BNC2: variants seen among roughly 807,000 people sequenced by gnomAD.
BNC2 encodes basonuclin zinc finger protein 2.
Under a neutral mutation model 76.3 loss-of-function variants are expected in BNC2, and 20 were observed. The ratio of observed to expected loss-of-function variants is 0.26; its 90% confidence interval spans 0.18 to 0.38. The LOEUF is 0.38. BNC2 is among the 10% of genes least tolerant of loss of function. The pLI, the probability that BNC2 is intolerant of heterozygous loss-of-function variation, is 1.00. For synonymous variants in BNC2, 582 were observed against 514.8 expected (o/e 1.13, Z -1.77); for missense variants, 1,382 against 1,399.8 (o/e 0.99, Z 0.20).
intron 1 of BNC2, among the ~76,000 whole-genome samples, chr9:16,864,950 A>C (rs115544042): frequency 1.3e-5 from 2 of 151,736 alleles, no homozygotes; most frequent in Non-Finnish European, 2.9e-5. Context: ...CAGAGAAAGG[A>C]CAGCACATCG....
intron 5 of BNC2, among the ~76,000 whole-genome samples, chr9:16,468,038 C>CTTTTTTTTTTTTT (rs1414982362): frequency 1.6e-4 from 23 of 146,246 alleles, no homozygotes; most frequent in African/African-American, 6.0e-4. Context: ...TTCTTTCTTT[C>CTTTTTTTTTTTTT]TCTTTTTTTT....
In BNC2 at chr9:16,842,541, T is replaced by C. The variant is rs552447626; in HGVS notation, c.3+28105A>G. 2.8e-4 allele frequency among the ~76,000 whole-genome samples: 42 copies of C among 152,232 alleles called. No homozygotes were observed. The South Asian group carries it at 8.5e-3, about 31-fold the overall frequency. On this transcript the variant is annotated intron_variant, in intron 1 of 6. Coordinates refer to ENST00000380672, the MANE Select transcript of BNC2 (RefSeq NM_017637.6). The stretch of plus-strand genomic sequence containing the variant: ...GTTTCTCTGTGGAGTGACGAAAGCG[T>C]TCTAGAACTAAATAGTGTTGATGGT...
chr9:16,653,637 G>A (rs1821851008), intron 3 of BNC2, among the ~76,000 whole-genome samples: 1 of 152,146 alleles, frequency 6.6e-6, no homozygotes. Flanking sequence ...CTGTGCCTGT[G>A]AAGTGGACAT....
intron 1 of BNC2, among the ~76,000 whole-genome samples, chr9:16,790,039 G>C (rs564653499): frequency 1.3e-5 from 2 of 152,102 alleles, no homozygotes; most frequent in South Asian, 2.1e-4. Context: ...TCGCTCTGTC[G>C]CCTAGGCTGG....
chr9:16,422,369 TA>T (rs202032722), intron 6 of BNC2, among the ~76,000 whole-genome samples: 3 of 151,916 alleles, frequency 2.0e-5, no homozygotes, highest in South Asian at 4.1e-4. Context: ...TCCCTCACTT[TA>T]AAAAAAACAG....
chr9:16,691,855 G>A (rs1297795517), intron 3 of BNC2, among the ~76,000 whole-genome samples: 1 of 145,662 alleles, frequency 6.9e-6, no homozygotes, highest in Non-Finnish European at 1.5e-5. Flanking sequence ...CTGTCACCCA[G>A]GCTGGAGTGC....
At chr9:16,819,419 C>T (rs1349796361) in intron 1 of BNC2, among the ~76,000 whole-genome samples, 1 of 152,164 alleles carries the variant, frequency 6.6e-6, no homozygotes, top group Non-Finnish European at 1.5e-5. Context: ...TCCCAGCACA[C>T]TGGAAGGCCA....
chr9:16,697,193 T>C (rs1823363586), intron 3 of BNC2, among the ~76,000 whole-genome samples: 1 of 151,830 alleles, frequency 6.6e-6, no homozygotes, highest in East Asian at 2.0e-4. Flanking sequence ...ACCCTGTCTC[T>C]ACTACACTAC....
chr9:16,731,029 TATAAC>T (rs1397566936), intron 2 of BNC2, among the ~76,000 whole-genome samples: 4 of 152,312 alleles, frequency 2.6e-5, no homozygotes, highest in Non-Finnish European at 4.4e-5. Context: ...AACTTCCACA[TATAAC>T]ATACTGTGTA....
At chr9:16,487,458 T>C (rs1320605535) in intron 5 of BNC2, among the ~76,000 whole-genome samples, 1 of 152,208 alleles carries the variant, frequency 6.6e-6, no homozygotes, top group Admixed American at 6.5e-5. Context: ...GCTGCCTCAT[T>C]TGTTTCTCTT....
chr9:16,700,669 C>G (rs943686425), intron 3 of BNC2, among the ~76,000 whole-genome samples: 2 of 152,044 alleles, frequency 1.3e-5, no homozygotes, highest in Non-Finnish European at 2.9e-5. Context: ...TAAAATTATA[C>G]TGATTAGCAG....
chr9:16,795,271 C>A (rs1436248800), intron 1 of BNC2, among the ~76,000 whole-genome samples: 1 of 152,004 alleles, frequency 6.6e-6, no homozygotes, highest in South Asian at 2.1e-4. Context: ...GATAGTAAGG[C>A]GAACTCCACA....
At chr9:16,675,768 A>G (rs1219432492) in intron 3 of BNC2, among the ~76,000 whole-genome samples, 1 of 152,212 alleles carries the variant, frequency 6.6e-6, no homozygotes, top group Non-Finnish European at 1.5e-5. Context: ...TACATAACTT[A>G]AGTAATTTCC....
chr9:16,867,017 C>G (rs1391454970), intron 1 of BNC2, among the ~76,000 whole-genome samples: 2 of 152,174 alleles, frequency 1.3e-5, no homozygotes, highest in African/African-American at 4.8e-5. Context: ...AATCTATAAA[C>G]TGCTTCCAAC....
At chr9:16,808,156 C>T (rs750361856) in intron 1 of BNC2, among the ~76,000 whole-genome samples, 3 of 151,946 alleles carry the variant, frequency 2.0e-5, no homozygotes, top group Non-Finnish European at 4.4e-5. Flanking sequence ...AAGTGTTAGA[C>T]GTATTTCAAT....
At position 16,855,314 on chromosome 9, in the gene BNC2, T is replaced by G. The variant is rs1429895340; in HGVS notation, c.3+15332A>C. Among the ~76,000 whole-genome samples, 5 of 152,364 alleles carry G rather than the reference T, an allele frequency of 3.3e-5. No homozygotes were observed. The East Asian group carries it at 7.7e-4, about 24-fold the overall frequency. Reference sequence around the variant, plus strand: ...AAGATAATGAATATCCCTTTACCAGTGAATTTTGTGCTCTCTCTTAGGATG... The same window carrying G: ...AAGATAATGAATATCCCTTTACCAGGGAATTTTGTGCTCTCTCTTAGGATG... On this transcript the variant is annotated intron_variant, in intron 1 of 6. Coordinates refer to ENST00000380672, the MANE Select transcript of BNC2 (RefSeq NM_017637.6).
At chr9:16,648,983 TAAC>T (rs1821717508) in intron 3 of BNC2, among the ~76,000 whole-genome samples, 1 of 152,160 alleles carries the variant, frequency 6.6e-6, no homozygotes, top group South Asian at 2.1e-4. Context: ...TAAAATAGCA[TAAC>T]GACTTAGTCG....
intron 5 of BNC2, among the ~76,000 whole-genome samples, chr9:16,457,367 T>C (rs1326231765): frequency 1.3e-5 from 2 of 152,110 alleles, no homozygotes; most frequent in Non-Finnish European, 2.9e-5. Flanking sequence ...AGTCCCAGGA[T>C]TGCGAGACTC....
intron 3 of BNC2, among the ~76,000 whole-genome samples, chr9:16,670,317 A>G (rs1354666711): frequency 6.6e-6 from 1 of 152,144 alleles, no homozygotes; most frequent in Non-Finnish European, 1.5e-5. Context: ...GAATATAAAC[A>G]TAAATAAAAT....
Sources: allele counts gnomAD v4.1 joint callset (sites outside exome capture counted in the v4.1 genomes callset), GRCh38; gene constraint gnomAD v4.1.1; transcripts MANE v1.5; gene names NCBI Gene and HGNC (gene_info 2026-07-23, HGNC 2026-07-21).